The following MBOAT2 variants were observed in gnomAD, a reference collection of about 807,000 sequenced individuals.
The protein encoded by MBOAT2 is membrane bound glycerophospholipid O-acyltransferase 2.
Under a neutral mutation model 63.4 loss-of-function variants are expected in MBOAT2, and 28 were observed. That is an observed-to-expected ratio of 0.44 (90% CI 0.33 to 0.61). MBOAT2 has a LOEUF of 0.61. Among genes scored for constraint, MBOAT2 ranks in the 20% least tolerant of loss-of-function variants. The probability of loss-of-function intolerance (pLI) is 0.03; values close to 1 mark genes in which losing one functional copy is unlikely to be tolerated. For synonymous variants in MBOAT2, 211 were observed against 215.6 expected, an observed-to-expected ratio of 0.98 and a Z score of 0.19; for missense variants, 470 against 605.8, an observed-to-expected ratio of 0.78 and a Z score of 2.35.
chr2:8,968,379 A>G (rs1028618632), intron 1 of MBOAT2, among the ~76,000 whole-genome samples: 1 of 152,212 alleles, frequency 6.6e-6, no homozygotes, highest in Non-Finnish European at 1.5e-5. Flanking sequence ...CCCCATCTGT[A>G]TGTCACCATC....
At chr2:8,910,613 C>T (rs551447805) in intron 3 of MBOAT2, among the ~76,000 whole-genome samples, 1 of 152,156 alleles carries the variant, frequency 6.6e-6, no homozygotes, top group Non-Finnish European at 1.5e-5. Context: ...GCACATGCCT[C>T]TTAGACATTC....
Position 8,862,175 on chromosome 2 carries a change from G to T in MBOAT2, c.1185+415C>A. ...AAGAACTGTGTCCTCTTCCAGTGTG[G>T]CTCATCCACTGTCTTGGCCTCGCAC... On this transcript the variant is annotated intron_variant, in intron 11 of 12. Coordinates refer to ENST00000305997, the MANE Select transcript of MBOAT2 (RefSeq NM_138799.4). The surrounding 1 kb of genome is among the most constrained non-coding windows in gnomAD (Gnocchi z 4.3). 5.5e-6 allele frequency: 3 copies of T among 546,820 alleles called. No individual in the cohort carries two copies. The highest frequency in any genetic ancestry group is 8.3e-6 in the Non-Finnish European group (3 of 360,742). 33.9% of individuals were successfully genotyped at this position (546,820 alleles called of 1,614,324 possible).
chr2:8,874,176 A>T (rs1662540120), intron 7 of MBOAT2, among the ~76,000 whole-genome samples: 1 of 152,216 alleles, frequency 6.6e-6, no homozygotes, highest in African/African-American at 2.4e-5. Flanking sequence ...CCAGAAGAAA[A>T]GCTCCAAGAC....
At chr2:8,915,579 C>T (rs1666114321) in intron 3 of MBOAT2, among the ~76,000 whole-genome samples, 1 of 152,090 alleles carries the variant, frequency 6.6e-6, no homozygotes, top group African/African-American at 2.4e-5. Context: ...TCCAAAAGCA[C>T]ATCAAACTTT....
chr2:8,936,252 G>A lies in MBOAT2; in HGVS notation c.299+6935C>T, dbSNP rs1667653939. Among the ~76,000 whole-genome samples, 6 of 152,134 alleles carry A rather than the reference G, an allele frequency of 3.9e-5. No individual in the cohort carries two copies. The South Asian group carries it at 1.2e-3, about 31-fold the overall frequency. ...TTTGTTGCAGGAATGACATTGTAAT[G>A]TTCCCAACTCAACTGTTCATTTCAG... On this transcript the variant is annotated intron_variant, in intron 3 of 12. Coordinates refer to ENST00000305997, the MANE Select transcript of MBOAT2 (RefSeq NM_138799.4).
intron 2 of MBOAT2, among the ~76,000 whole-genome samples, chr2:8,949,374 T>C (rs1668651006): frequency 6.6e-6 from 1 of 152,194 alleles, no homozygotes; most frequent in Non-Finnish European, 1.5e-5. Context: ...TTTGTTGCAA[T>C]TGCTTTTGAG....
intron 9 of MBOAT2, 63 bp downstream of exon 9, chr2:8,868,383 C>A: frequency 7.2e-7 from 1 of 1,394,286 alleles, no homozygotes; most frequent in Non-Finnish European, 1.0e-6. Context: ...CACACCATAA[C>A]TTATGAAAGC....
chr2:8,895,685 G>A lies in MBOAT2; in HGVS notation c.396-7612C>T, dbSNP rs188874566. Among the ~76,000 whole-genome samples the A allele has an allele frequency of 2.7e-3, 410 of 152,282 alleles. 2 individuals are homozygous for A. Among genetic ancestry groups the A allele is most frequent in the Admixed American group, 4.2e-3 (65 of 15,298 alleles). ...GCTATTGAGAATTTGGCCGATGACC[G>A]CTCTAGCTACTTCCTGCTGGATAGG... is the stretch of plus-strand genomic sequence containing the variant. On this transcript the variant is annotated intron_variant, in intron 4 of 12. Transcript: ENST00000305997.
chr2:8,988,858 C>A (rs551827193), intron 1 of MBOAT2, among the ~76,000 whole-genome samples: 2 of 152,060 alleles, frequency 1.3e-5, no homozygotes, highest in South Asian at 4.2e-4. Flanking sequence ...ATAATAATAT[C>A]CATAATGAAT....
intron 11 of MBOAT2, among the ~76,000 whole-genome samples, chr2:8,861,802 C>T (rs2148507490): frequency 6.6e-6 from 1 of 152,308 alleles, no homozygotes; most frequent in East Asian, 1.9e-4. Flanking sequence ...TGCACACACA[C>T]ACATGCATAA....
At chr2:8,893,499 T>C (rs1664173356) in intron 4 of MBOAT2, among the ~76,000 whole-genome samples, 1 of 152,214 alleles carries the variant, frequency 6.6e-6, no homozygotes, top group Admixed American at 6.5e-5. Flanking sequence ...GTGGATTAAA[T>C]TCAATAGTAT....
At chr2:8,902,784 AC>A (rs1665053573) in intron 4 of MBOAT2, among the ~76,000 whole-genome samples, 1 of 152,172 alleles carries the variant, frequency 6.6e-6, no homozygotes, top group Non-Finnish European at 1.5e-5. Context: ...GGTGGCGGGG[AC>A]CCAAAGAGTG....
At chr2:8,899,187 T>C (rs894894882) in intron 4 of MBOAT2, among the ~76,000 whole-genome samples, 2 of 152,150 alleles carry the variant, frequency 1.3e-5, no homozygotes, top group African/African-American at 4.8e-5. Flanking sequence ...CCTCTTCAAG[T>C]AGTGGACAAC....
chr2:8,916,045 C>G (rs1463798853), intron 3 of MBOAT2, among the ~76,000 whole-genome samples: 1 of 152,196 alleles, frequency 6.6e-6, no homozygotes, highest in Admixed American at 6.5e-5. Flanking sequence ...GCCTTTCTTA[C>G]TCTTAGTGTG....
intron 1 of MBOAT2, among the ~76,000 whole-genome samples, chr2:8,969,696 CAAAA>C (rs1175110150): frequency 6.6e-6 from 1 of 151,666 alleles, no homozygotes; most frequent in Non-Finnish European, 1.5e-5. Flanking sequence ...AAATGGAAAA[CAAAA>C]AAAGGCAGGG....
Position 9,003,622 on chromosome 2 carries a change from C to A in MBOAT2, c.-8G>T. On this transcript the variant is annotated 5_prime_UTR_variant, in exon 1 of 13. Transcript: ENST00000305997. This position sits in a 1 kb window ranked among gnomAD's most constrained non-coding sequence, Gnocchi z 5.4. The stretch of plus-strand genomic sequence containing the variant: ...GGTGCTGGTGGTGGCCATGGCCGGG[C>A]CTCGGCGCTCCGGCCGCCCGCGCCG... The A allele has an allele frequency of 8.5e-7, 1 of 1,172,304 alleles. No homozygotes were observed. The highest frequency in any genetic ancestry group is 1.1e-6 in the Non-Finnish European group (1 of 951,160). 72.6% of individuals were successfully genotyped at this position (1,172,304 alleles called of 1,614,324 possible). A position where few individuals can be genotyped will look rare whatever the true frequency, so the allele number is the denominator to read the frequency against.
intron 3 of MBOAT2, among the ~76,000 whole-genome samples, chr2:8,916,652 A>T (rs1409098573): frequency 6.6e-6 from 1 of 152,250 alleles, no homozygotes; most frequent in Non-Finnish European, 1.5e-5. Flanking sequence ...AACAAAAACT[A>T]ACAAATGAGT....
intron 4 of MBOAT2, among the ~76,000 whole-genome samples, chr2:8,890,888 G>A (rs1380589585): frequency 6.6e-6 from 1 of 152,146 alleles, no homozygotes; most frequent in Non-Finnish European, 1.5e-5. Context: ...TATTCCTTCT[G>A]TAGGTTAATT....
chr2:8,925,989 A>T (rs1271394991), intron 3 of MBOAT2, among the ~76,000 whole-genome samples: 1 of 152,210 alleles, frequency 6.6e-6, no homozygotes, highest in Non-Finnish European at 1.5e-5. Flanking sequence ...TTTACAAAAG[A>T]GGAGTGTAGA....
Sources: gnomAD v4.1 joint callset for allele counts (sites outside exome capture counted in the v4.1 genomes callset) on GRCh38, gnomAD v4.1.1 for gene constraint, Gnocchi (gnomAD v3.1) non-coding constraint, MANE v1.5 for transcripts, NCBI Gene and HGNC (gene_info 2026-07-23, HGNC 2026-07-21) for gene names.